AKT3: variants seen among roughly 807,000 people sequenced by gnomAD.
AKT3 encodes AKT serine/threonine kinase 3, also known as RAC-gamma serine/threonine-protein kinase.
A neutral mutation model predicts 65.3 loss-of-function variants in AKT3; 15 were observed. That is an observed-to-expected ratio of 0.23 (90% confidence interval 0.15 to 0.35). The LOEUF (loss-of-function observed/expected upper bound fraction) is 0.35, where lower values mean the gene tolerates loss of function less well. Ranked by LOEUF, AKT3 falls within the 10% of genes least tolerant of loss-of-function variation. The probability of loss-of-function intolerance (pLI) is 1.00; values close to 1 mark genes in which losing one functional copy is unlikely to be tolerated. For missense variants in AKT3, 243 were observed against 576.5 expected (o/e 0.42, Z 5.92); for synonymous variants, 206 against 183.8 (o/e 1.12, Z -0.98).
At chr1:243,649,313 A>ATGTGTGTGTGTG (rs55765060) in intron 4 of AKT3, among the ~76,000 whole-genome samples, 22 of 146,026 alleles carry the variant, frequency 1.5e-4, no homozygotes, top group African/African-American at 3.9e-4. Flanking sequence ...TTATGTGTAT[A>ATGTGTGTGTGTG]TGTGTGTGTG....
intron 8 of AKT3, among the ~76,000 whole-genome samples, chr1:243,579,037 A>G (rs944021668): frequency 1.3e-5 from 2 of 152,232 alleles, no homozygotes; most frequent in Non-Finnish European, 2.9e-5. Flanking sequence ...CTAAGGTAGT[A>G]GTAACAGACA....
At chr1:243,784,525 T>A (rs1691123598) in intron 2 of AKT3, among the ~76,000 whole-genome samples, 3 of 152,122 alleles carry the variant, frequency 2.0e-5, no homozygotes, top group African/African-American at 7.2e-5. Context: ...AATTACAAAT[T>A]TTTAGAAACT....
chr1:243,787,052 T>C (rs1401972506), intron 2 of AKT3, among the ~76,000 whole-genome samples: 1 of 152,192 alleles, frequency 6.6e-6, no homozygotes, highest in African/African-American at 2.4e-5. Flanking sequence ...AAAAGGACTG[T>C]AGGATTAGGT....
intron 3 of AKT3, among the ~76,000 whole-genome samples, chr1:243,668,846 A>T (rs955950641): frequency 3.3e-5 from 5 of 152,212 alleles, no homozygotes; most frequent in African/African-American, 1.2e-4. Context: ...GGTATGGAGG[A>T]AAGTGAGAAC....
downstream of AKT3, among the ~76,000 whole-genome samples, chr1:243,497,203 C>T (rs1376032862): frequency 6.6e-6 from 1 of 152,256 alleles, no homozygotes; most frequent in Non-Finnish European, 1.5e-5. Flanking sequence ...GCTTCTGTCT[C>T]GGTCAGAGAA....
At chr1:243,651,304 G>T (rs953516826) in intron 4 of AKT3, among the ~76,000 whole-genome samples, 1 of 152,142 alleles carries the variant, frequency 6.6e-6, no homozygotes, top group Admixed American at 6.6e-5. Context: ...CTGAGACAAC[G>T]GGGTTTTCTA....
At chr1:243,839,442 G>A (rs769786612) in intron 2 of AKT3, among the ~76,000 whole-genome samples, 4 of 152,272 alleles carry the variant, frequency 2.6e-5, no homozygotes, top group Middle Eastern at 3.4e-3. Flanking sequence ...GGAGGAAAAC[G>A]CAGACAATAC....
chr1:243,559,919 C>A (rs1328937882), intron 10 of AKT3, among the ~76,000 whole-genome samples: 7 of 152,056 alleles, frequency 4.6e-5, no homozygotes, highest in African/African-American at 1.4e-4. Flanking sequence ...GTGCGAGACA[C>A]CATCTGAGGT....
intron 2 of AKT3, among the ~76,000 whole-genome samples, chr1:243,819,183 G>A (rs1693709864): frequency 6.6e-6 from 1 of 152,272 alleles, no homozygotes; most frequent in Non-Finnish European, 1.5e-5. Context: ...TGCTGTCCAA[G>A]ACGACTAAGC....
chr1:243,840,718 T>G (rs143081245), intron 2 of AKT3, among the ~76,000 whole-genome samples: 20 of 151,866 alleles, frequency 1.3e-4, no homozygotes, highest in Non-Finnish European at 2.2e-4. Flanking sequence ...AAGCTAATTT[T>G]TTTTTTTTAC....
chr1:243,533,452 C>T (rs1671682812), intron 12 of AKT3, among the ~76,000 whole-genome samples: 1 of 152,116 alleles, frequency 6.6e-6, no homozygotes, highest in African/African-American at 2.4e-5. Flanking sequence ...AGCAAAGTAC[C>T]TATGGCAATT....
intron 2 of AKT3, among the ~76,000 whole-genome samples, chr1:243,784,991 C>T (rs192643526): frequency 2.6e-5 from 4 of 151,878 alleles, no homozygotes; most frequent in East Asian, 3.9e-4. Flanking sequence ...TTTCAACTCC[C>T]GGCTTAAGTG....
intron 6 of AKT3, among the ~76,000 whole-genome samples, chr1:243,622,658 C>A (rs879726110): frequency 1.6e-4 from 25 of 152,154 alleles, no homozygotes; most frequent in Non-Finnish European, 2.9e-4. Context: ...GCTACACGAA[C>A]TACATGAAAT....
At chr1:243,727,375 C>T (rs183313827) in intron 2 of AKT3, among the ~76,000 whole-genome samples, 1 of 152,154 alleles carries the variant, frequency 6.6e-6, no homozygotes, top group East Asian at 1.9e-4. Context: ...CTCAACACAG[C>T]CTTGACCTCC....
At chr1:243,642,588 C>T (rs183227440) in intron 5 of AKT3, among the ~76,000 whole-genome samples, 244 of 152,268 alleles carry the variant, frequency 1.6e-3, no homozygotes, top group Non-Finnish European at 2.3e-3. Context: ...GGATTACAGG[C>T]GTGAGCCACC....
chr1:243,664,493 C>G (rs929494393), intron 4 of AKT3, among the ~76,000 whole-genome samples: 4 of 151,716 alleles, frequency 2.6e-5, no homozygotes, highest in South Asian at 2.1e-4. Context: ...CGTGAGCCAC[C>G]GCGCCAGGCC....
intron 4 of AKT3, among the ~76,000 whole-genome samples, chr1:243,660,926 G>C (rs1482586511): frequency 5.3e-5 from 8 of 151,580 alleles, no homozygotes; most frequent in Non-Finnish European, 4.4e-5. Context: ...AACAGACAGA[G>C]AGCCAAATCA....
At chr1:243,594,772 G>A (rs932703408) in intron 8 of AKT3, among the ~76,000 whole-genome samples, 3 of 152,104 alleles carry the variant, frequency 2.0e-5, no homozygotes, top group Non-Finnish European at 2.9e-5. Flanking sequence ...TAGAGACAGG[G>A]TCCTGCTGTG....
rs1683760418 is a variant in AKT3 at position 243,679,394 on chromosome 1, TATGTTTTCTCCCAGAGAAAACTGACC to T, written c.173-14537_173-14512del. On this transcript the variant is annotated intron_variant, in intron 3 of 13. Transcript: ENST00000673466. The stretch of plus-strand genomic sequence containing the variant: ...ACAAACAGGTGATAGAGAACTGAAA[TATGTTTTCTCCCAGAGAAAACTGACC>T]AATCTTTTATTTAGTATTCATGCAT... Among the ~76,000 whole-genome samples the T allele has an allele frequency of 1.5e-4, 23 of 152,294 alleles. No homozygotes were observed. In the South Asian group the frequency reaches 4.8e-3, roughly 32 times the overall value.
Sources: allele counts gnomAD v4.1 joint callset (sites outside exome capture counted in the v4.1 genomes callset), GRCh38; gene constraint gnomAD v4.1.1; transcripts MANE v1.5; gene names NCBI Gene and HGNC (gene_info 2026-07-23, HGNC 2026-07-21).